Variants in NKAIN3 observed in about 807,000 individuals in gnomAD.
NKAIN3 encodes sodium/potassium transporting ATPase interacting 3, also known as sodium/potassium-transporting ATPase subunit beta-1-interacting protein 3.
A neutral mutation model predicts 30.2 loss-of-function variants in NKAIN3; 25 were observed. The observed-to-expected ratio is 0.83, with a 90% CI of 0.60 to 1.16. The LOEUF is 1.16. Among genes scored for constraint, NKAIN3 ranks in the 50% most tolerant of loss-of-function variants. NKAIN3 has a pLI of 0.00. For synonymous variants in NKAIN3, 91 were observed against 89.6 expected (o/e 1.02, Z -0.09); for missense variants, 225 against 254.1 (o/e 0.89, Z 0.78).
intron 4 of NKAIN3, among the ~76,000 whole-genome samples, chr8:62,794,584 C>T (rs191801729): frequency 3.6e-4 from 55 of 152,178 alleles, no homozygotes; most frequent in African/African-American, 1.3e-3. Context: ...GTAAGGGTAG[C>T]GAGCAGGAGA....
chr8:62,694,695 G>A (rs1009451743), intron 3 of NKAIN3, among the ~76,000 whole-genome samples: 2 of 152,038 alleles, frequency 1.3e-5, no homozygotes, highest in African/African-American at 4.8e-5. Context: ...TAAACTACCT[G>A]GTTACCCTGC....
At chr8:62,486,221 G>A (rs1806897328) in intron 1 of NKAIN3, among the ~76,000 whole-genome samples, 2 of 152,110 alleles carry the variant, frequency 1.3e-5, no homozygotes, top group South Asian at 2.1e-4. Context: ...GTGGAGAATC[G>A]GTTGAGACAG....
intron 3 of NKAIN3, among the ~76,000 whole-genome samples, chr8:62,736,819 C>A (rs563465497): frequency 3.9e-5 from 6 of 152,210 alleles, no homozygotes; most frequent in Admixed American, 3.3e-4. Context: ...AGACACAGGA[C>A]CCCAGTGAGA....
intron 3 of NKAIN3, among the ~76,000 whole-genome samples, chr8:62,705,509 G>A (rs897374049): frequency 6.6e-6 from 1 of 152,060 alleles, no homozygotes; most frequent in Non-Finnish European, 1.5e-5. Context: ...ACTTTTTTTG[G>A]AAACTTTTCT....
At chr8:62,628,036 A>T (rs545723494) in intron 3 of NKAIN3, among the ~76,000 whole-genome samples, 2 of 152,126 alleles carry the variant, frequency 1.3e-5, no homozygotes, top group African/African-American at 4.8e-5. Context: ...CTGTCAAGGT[A>T]TCTTGCCATC....
chr8:62,572,770 C>G (rs1194285039), intron 1 of NKAIN3, among the ~76,000 whole-genome samples: 1 of 152,080 alleles, frequency 6.6e-6, no homozygotes, highest in Non-Finnish European at 1.5e-5. Context: ...ATGAGAAAAG[C>G]ACAGGAAAGA....
In NKAIN3 at chr8:62,972,032, C is replaced by T. The variant is rs544193001; in HGVS notation, c.*6625C>T. 7.4e-4 allele frequency among the ~76,000 whole-genome samples: 112 copies of T among 152,250 alleles called. 1 individual carries two copies. Among genetic ancestry groups the T allele is most frequent in the African/African-American group, 2.6e-3 (109 of 41,544 alleles). On this transcript the variant is annotated 3_prime_UTR_variant, in exon 7 of 7. Coordinates refer to ENST00000623646, the MANE Select transcript of NKAIN3 (RefSeq NM_001304533.3). ...TTGCTTGGTCCTCATTGTGCTGCCA[C>T]AATAAATTAATTCTTCTATGGTCAT...
chr8:62,256,186 G>T (rs936715750), intron 1 of NKAIN3, among the ~76,000 whole-genome samples: 3 of 152,008 alleles, frequency 2.0e-5, no homozygotes, highest in African/African-American at 7.2e-5. Flanking sequence ...ACTGAGGGGG[G>T]AGGATCACTT....
chr8:62,771,771 T>A (rs1817019407), intron 4 of NKAIN3, among the ~76,000 whole-genome samples: 1 of 152,180 alleles, frequency 6.6e-6, no homozygotes, highest in South Asian at 2.1e-4. Flanking sequence ...TTTTATTTTT[T>A]ATTTTTATGG....
intron 4 of NKAIN3, among the ~76,000 whole-genome samples, chr8:62,781,930 CA>C (rs1369410753): frequency 6.6e-6 from 1 of 151,708 alleles, no homozygotes; most frequent in Non-Finnish European, 1.5e-5. Flanking sequence ...CAATGAAATC[CA>C]AAATAAACAA....
chr8:62,969,379 A>G lies in NKAIN3; in HGVS notation c.*3972A>G, dbSNP rs1162600802. Among the ~76,000 whole-genome samples the G allele has an allele frequency of 6.6e-6, 1 of 152,238 alleles. No homozygotes were observed. The highest frequency in any genetic ancestry group is 1.5e-5 in the Non-Finnish European group (1 of 68,044). On this transcript the variant is annotated 3_prime_UTR_variant, in exon 7 of 7. Transcript: ENST00000623646. ...TGAAGAAAACAATCATGACTCTGCT[A>G]ATTTGAGAAGCAAAAACCAAAATTT...
chr8:62,814,391 TC>T (rs1466705404), intron 4 of NKAIN3, among the ~76,000 whole-genome samples: 1 of 152,034 alleles, frequency 6.6e-6, no homozygotes, highest in Non-Finnish European at 1.5e-5. Flanking sequence ...CTAATAGATA[TC>T]TACAGAACTC....
intron 1 of NKAIN3, among the ~76,000 whole-genome samples, chr8:62,355,821 A>T (rs933878352): frequency 3.3e-5 from 5 of 152,142 alleles, no homozygotes; most frequent in Non-Finnish European, 7.4e-5. Context: ...TCATTTCTAC[A>T]TTCATATTAA....
At chr8:62,835,039 G>A (rs1271735404) in intron 4 of NKAIN3, among the ~76,000 whole-genome samples, 1 of 152,010 alleles carries the variant, frequency 6.6e-6, no homozygotes, top group Non-Finnish European at 1.5e-5. Context: ...GCAACCATCT[G>A]ACTTTGACAA....
At chr8:62,253,802 A>G (rs151095779) in intron 1 of NKAIN3, among the ~76,000 whole-genome samples, 36 of 152,318 alleles carry the variant, frequency 2.4e-4, no homozygotes, top group Middle Eastern at 3.4e-3. Flanking sequence ...ACTAAGCTCT[A>G]TGAAAGGTGC....
chr8:62,853,683 G>C (rs1021337478), intron 4 of NKAIN3, among the ~76,000 whole-genome samples: 4 of 152,052 alleles, frequency 2.6e-5, no homozygotes, highest in Non-Finnish European at 4.4e-5. Flanking sequence ...GATTTTTGAA[G>C]GGTTTTTCAT....
At chr8:62,457,203 C>A (rs1002366264) in intron 1 of NKAIN3, among the ~76,000 whole-genome samples, 1 of 152,092 alleles carries the variant, frequency 6.6e-6, no homozygotes, top group African/African-American at 2.4e-5. Context: ...GGGATATAAA[C>A]GTCATCTTCA....
intron 1 of NKAIN3, among the ~76,000 whole-genome samples, chr8:62,520,089 A>G (rs757132577): frequency 2.6e-5 from 4 of 152,200 alleles, no homozygotes; most frequent in Non-Finnish European, 5.9e-5. Context: ...CTTTTTTTGT[A>G]TACATTAGAT....
At chr8:62,395,954 A>T (rs756242404) in intron 1 of NKAIN3, among the ~76,000 whole-genome samples, 1 of 152,196 alleles carries the variant, frequency 6.6e-6, no homozygotes, top group Non-Finnish European at 1.5e-5. Context: ...TAAATCACCC[A>T]TATAGTGAGG....
Sources: allele counts gnomAD v4.1 joint callset (sites outside exome capture counted in the v4.1 genomes callset), GRCh38; gene constraint gnomAD v4.1.1; transcripts MANE v1.5; gene names NCBI Gene and HGNC (gene_info 2026-07-23, HGNC 2026-07-21).